The following PLPPR1 variants were observed in gnomAD, a reference collection of about 807,000 sequenced individuals.
PLPPR1 encodes the protein phospholipid phosphatase related 1.
PLPPR1 carries 10 observed loss-of-function variants against 33.1 expected under a neutral mutation model. The ratio of observed to expected loss-of-function variants is 0.30; its 90% CI spans 0.19 to 0.51. The LOEUF (loss-of-function observed/expected upper bound fraction) is 0.51, where lower values mean the gene tolerates loss of function less well. Ranked by LOEUF, PLPPR1 falls within the 20% of genes least tolerant of loss-of-function variation. The probability of loss-of-function intolerance (pLI) is 0.97; values close to 1 mark genes in which losing one functional copy is unlikely to be tolerated. For synonymous variants in PLPPR1, 151 were observed against 151.0 expected (o/e 1.00, Z 0.00); for missense variants, 304 against 408.1 (o/e 0.74, Z 2.20).
intron 2 of PLPPR1, among the ~76,000 whole-genome samples, chr9:101,250,583 T>C (rs1827697788): frequency 1.3e-5 from 2 of 152,152 alleles, no homozygotes; most frequent in South Asian, 4.2e-4. Context: ...TTTTTGCTCC[T>C]CATTGCTTCT....
chr9:101,192,949 C>T (rs1826322904), intron 2 of PLPPR1, among the ~76,000 whole-genome samples: 1 of 152,140 alleles, frequency 6.6e-6, no homozygotes. Flanking sequence ...ATTCAAGTAT[C>T]TATTTTTCAT....
intron 7 of PLPPR1, among the ~76,000 whole-genome samples, chr9:101,319,582 G>A (rs1470517211): frequency 6.6e-6 from 1 of 152,054 alleles, no homozygotes; most frequent in African/African-American, 2.4e-5. Flanking sequence ...TTTGTATTAA[G>A]GCTAACATTT....
At chr9:101,237,836 T>TATATATATAG (rs370193024) in intron 2 of PLPPR1, among the ~76,000 whole-genome samples, 3,746 of 129,804 alleles carry the variant, frequency 0.029, 169 homozygotes, top group African/African-American at 0.09. Context: ...TATATATATA[T>TATATATATAG]GCTATATATG....
intron 5 of PLPPR1, 35 bp from the exon 6 acceptor site, chr9:101,312,763 T>C: frequency 6.3e-7 from 1 of 1,597,376 alleles, no homozygotes. Context: ...ACAAGGCAGC[T>C]GCCTGGTCAC....
At chr9:101,260,574 G>C (rs1369783392) in intron 2 of PLPPR1, among the ~76,000 whole-genome samples, 2 of 152,180 alleles carry the variant, frequency 1.3e-5, no homozygotes, top group African/African-American at 4.8e-5. Flanking sequence ...CTGTGTAACT[G>C]AGAGAATGGT....
chr9:101,318,442 G>C (rs1183641504), intron 7 of PLPPR1, among the ~76,000 whole-genome samples: 1 of 152,014 alleles, frequency 6.6e-6, no homozygotes, highest in African/African-American at 2.4e-5. Flanking sequence ...CTATTGAATA[G>C]ATACTATAAT....
At chr9:101,298,466 T>C (rs75671785) in intron 4 of PLPPR1, among the ~76,000 whole-genome samples, 1 of 152,150 alleles carries the variant, frequency 6.6e-6, no homozygotes, top group Admixed American at 6.5e-5. Context: ...TTTTATGGTT[T>C]TAAGAATTGA....
chr9:101,095,969 G>A (rs781233321), intron 1 of PLPPR1, among the ~76,000 whole-genome samples: 6 of 152,164 alleles, frequency 3.9e-5, no homozygotes, highest in Non-Finnish European at 4.4e-5. Flanking sequence ...AATGAACATG[G>A]AATGCCTTGT....
chr9:101,189,258 G>A (rs1424779115), intron 2 of PLPPR1, among the ~76,000 whole-genome samples: 1 of 152,056 alleles, frequency 6.6e-6, no homozygotes, highest in African/African-American at 2.4e-5. Context: ...CAGGTTATAG[G>A]TAGATTTAAA....
intron 2 of PLPPR1, among the ~76,000 whole-genome samples, chr9:101,240,738 T>G (rs1824741318): frequency 6.6e-6 from 1 of 152,058 alleles, no homozygotes; most frequent in Admixed American, 6.6e-5. Context: ...GTTGGGAAAT[T>G]ACTGAAGTTG....
intron 1 of PLPPR1, among the ~76,000 whole-genome samples, chr9:101,100,588 AAC>A (rs1304817884): frequency 1.3e-5 from 2 of 151,996 alleles, no homozygotes. Flanking sequence ...TGTATTTTAG[AAC>A]ACACACTTTT....
At chr9:101,088,803 C>T (rs1051610981) in intron 1 of PLPPR1, among the ~76,000 whole-genome samples, 2 of 152,138 alleles carry the variant, frequency 1.3e-5, no homozygotes, top group African/African-American at 4.8e-5. Context: ...TTATAGTAAT[C>T]ACTTTTAACC....
At chr9:101,058,344 A>G (rs1234634149) in intron 1 of PLPPR1, among the ~76,000 whole-genome samples, 3 of 145,080 alleles carry the variant, frequency 2.1e-5, no homozygotes, top group Non-Finnish European at 4.5e-5. Context: ...CCCACCAAAC[A>G]TATCTGAGTG....
intron 4 of PLPPR1, 137 bp downstream of exon 4, chr9:101,286,373 C>G: frequency 4.1e-6 from 3 of 734,740 alleles, no homozygotes; most frequent in Non-Finnish European, 6.4e-6. Context: ...ATCCTACTGC[C>G]ACATCAAATT....
intron 1 of PLPPR1, among the ~76,000 whole-genome samples, chr9:101,160,330 C>T (rs530049931): frequency 1.1e-4 from 17 of 152,276 alleles, no homozygotes; most frequent in South Asian, 4.1e-4. Flanking sequence ...GTAATCTCCA[C>T]TTCTAAGGGT....
rs114688603 is a variant in PLPPR1 at position 101,309,838 on chromosome 9, G to A, written c.636+377G>A. 7.2e-3 allele frequency among the ~76,000 whole-genome samples: 1,090 copies of A among 152,116 alleles called. 9 individuals carry two copies. Among genetic ancestry groups the A allele is most frequent in the African/African-American group, 0.025 (1,056 of 41,488 alleles). The stretch of plus-strand genomic sequence containing the variant: ...AACAGTACTCTTTGTCAAGGTTTTC[G>A]TTGGTTTCGGAACAGCACACCTTCT... On this transcript the variant is annotated intron_variant, in intron 5 of 7. Transcript: ENST00000374874.
At chr9:101,110,189 A>G (rs1028859005) in intron 1 of PLPPR1, among the ~76,000 whole-genome samples, 1 of 152,250 alleles carries the variant, frequency 6.6e-6, no homozygotes, top group African/African-American at 2.4e-5. Flanking sequence ...TTCAGAATTC[A>G]TATGATGATT....
At position 101,129,513 on chromosome 9, in the gene PLPPR1, C is replaced by T. The variant is rs1375302351; in HGVS notation, c.-45-55937C>T. On this transcript the variant is annotated intron_variant, in intron 1 of 7. Coordinates refer to ENST00000374874, the MANE Select transcript of PLPPR1 (RefSeq NM_207299.2). ...AATGGATAAGCAATTCTGGTATATCCACACACTCAGCAATAGCAATAAAAA... is the reference window on the plus strand; with the variant it reads ...AATGGATAAGCAATTCTGGTATATCTACACACTCAGCAATAGCAATAAAAA... Among the ~76,000 whole-genome samples the T allele has an allele frequency of 2.6e-5, 4 of 152,034 alleles. No homozygotes were observed. In the East Asian group the frequency reaches 7.7e-4, roughly 29 times the overall value.
chr9:101,258,987 G>A (rs974422168), intron 2 of PLPPR1, among the ~76,000 whole-genome samples: 3 of 152,066 alleles, frequency 2.0e-5, no homozygotes, highest in African/African-American at 7.2e-5. Flanking sequence ...ATCCCTAGCA[G>A]CAAAAGATCA....
Sources: gnomAD v4.1 joint callset for allele counts (sites outside exome capture counted in the v4.1 genomes callset) on GRCh38, gnomAD v4.1.1 for gene constraint, MANE v1.5 for transcripts, NCBI Gene and HGNC (gene_info 2026-07-23, HGNC 2026-07-21) for gene names.